Variants in OBP2A observed in about 807,000 individuals in gnomAD.
The protein encoded by OBP2A is odorant-binding protein 2a.
In OBP2A, 15 loss-of-function variants were observed where a neutral mutation model predicts 21.9. The observed-to-expected ratio is 0.69, with a 90% CI of 0.46 to 1.06. OBP2A has a LOEUF of 1.06. Ranked by LOEUF, OBP2A falls within the 50% of genes least tolerant of loss-of-function variation. The probability of loss-of-function intolerance (pLI) is 0.00; values close to 1 mark genes in which losing one functional copy is unlikely to be tolerated. For missense variants in OBP2A, 192 were observed against 220.1 expected (o/e 0.87, Z 0.81); for synonymous variants, 86 against 91.8 (o/e 0.94, Z 0.36).
rs1417015772 is a variant in OBP2A, at chr9:135,548,987, GCGA to G, written c.490+179_490+181del. 6.3e-5 allele frequency among the ~76,000 whole-genome samples: 9 copies of G among 142,742 alleles called. 4 individuals are homozygous for G. The highest frequency in any genetic ancestry group is 2.6e-4 in the African/African-American group (9 of 34,362). 93.6% of individuals were successfully genotyped at this position (142,742 alleles called of 152,430 possible). A position where few individuals can be genotyped will look rare whatever the true frequency, so the allele number is the denominator to read the frequency against. On this transcript the variant is annotated intron_variant, in intron 5 of 6. Coordinates refer to ENST00000371776, the MANE Select transcript of OBP2A (RefSeq NM_014582.3). Reference sequence around the variant, plus strand: ...CGTTGGAGGGTCTGCACTCTGGGCTGCGATGCGGTCTGGGGCTCCGCGCTCTGG... The same window carrying G: ...CGTTGGAGGGTCTGCACTCTGGGCTGTGCGGTCTGGGGCTCCGCGCTCTGG...
At chr9:135,548,356 A>G (rs2590499) in intron 4 of OBP2A, among the ~76,000 whole-genome samples, 98,551 of 151,954 alleles carry the variant, frequency 0.65, 32,636 homozygotes, top group East Asian at 0.84. Context: ...GGTGAGGGTT[A>G]TGACCCTGCA....
chr9:135,549,202 C>T (rs1832048838), intron 5 of OBP2A, 106 bp from the exon 6 acceptor site: 2 of 920,628 alleles, frequency 2.2e-6, no homozygotes, highest in South Asian at 2.9e-5. Context: ...GGGCTCCGCG[C>T]TCTGGGCTGC....
Position 135,547,272 on chromosome 9 carries a change from C to G in OBP2A, c.277+24C>G, listed in dbSNP as rs1365093725. ...CTGTGAGCCCCTCCCCGACCCCCCA[C>G]TCCCCATGCCCAACCCCGGATGCAC... On this transcript the variant is annotated intron_variant, in intron 3 of 6. Transcript: ENST00000371776. 5 of 1,611,750 alleles carry G rather than the reference C, an allele frequency of 3.1e-6. No individual in the cohort carries two copies. In the Admixed American group the frequency reaches 5.0e-5, roughly 16 times the overall value.
Position 135,547,231 on chromosome 9 carries a change from C to T in OBP2A, c.260C>T (p.Pro87Leu), listed in dbSNP as rs780814413. ...KKILMRKTEE[P>L]GKFSAYGGRK... is the part of the protein sequence containing the mutation. The stretch of plus-strand genomic sequence containing the variant: ...ATCCTGATGCGGAAGACGGAGGAGC[C>T]TGGCAAATTCAGCGCCTGTGAGCCC... Residue 87 changes from proline to leucine, a missense_variant, in exon 3 of 7, where the codon CCT (proline) becomes CTT (leucine). Pro to Leu is a moderately conservative substitution (Grantham distance 98, BLOSUM62 -3). Transcript: ENST00000371776. 51 of 1,613,454 alleles carry T rather than the reference C, an allele frequency of 3.2e-5. No individual in the cohort carries two copies. Among genetic ancestry groups the T allele is most frequent in the Non-Finnish European group, 4.3e-5 (51 of 1,180,022 alleles).
intron 5 of OBP2A, among the ~76,000 whole-genome samples, 185 bp downstream of exon 5, chr9:135,548,994 G>A (rs558505619): frequency 2.8e-5 from 4 of 141,468 alleles, no homozygotes; most frequent in African/African-American, 5.9e-5. Flanking sequence ...GCTGCGATGC[G>A]GTCTGGGGCT....
chr9:135,548,433 C>G (rs1288241320), intron 4 of OBP2A, among the ~76,000 whole-genome samples: 1 of 151,964 alleles, frequency 6.6e-6, no homozygotes, highest in Admixed American at 6.5e-5. Flanking sequence ...GCCACTGTCC[C>G]CTTTCCTGGG....
chr9:135,547,804 C>T (rs541323507), intron 3 of OBP2A, 67 bp from the exon 4 acceptor site: 112 of 1,215,588 alleles, frequency 9.2e-5, no homozygotes, highest in Admixed American at 6.9e-4. Flanking sequence ...AGTGTTTCTT[C>T]GTGTGGTCCT....
chr9:135,546,805 A>T lies in OBP2A; in HGVS notation c.100A>T (p.Met34Leu). The T allele has an allele frequency of 6.2e-7, 1 of 1,612,890 alleles. No homozygotes were observed. Residue 34 changes from methionine (M) to leucine (L), a missense_variant, in exon 2 of 7, where the codon ATG becomes TTG. By Grantham distance (15) the Met-to-Leu change is conservative. Coordinates refer to ENST00000371776, the MANE Select transcript of OBP2A (RefSeq NM_014582.3). ...DITGTWYVKAMVVDKDFPEDR... is the reference protein window; with the variant it reads ...DITGTWYVKALVVDKDFPEDR... ...CACAGGGACCTGGTACGTGAAGGCC[A>T]TGGTGGTCGATAAGGACTTTCCGGA...
In OBP2A at chr9:135,549,857, C is replaced by T. The variant is rs1832076089; in HGVS notation, c.*22C>T. 3.2e-6 allele frequency: 5 copies of T among 1,548,618 alleles called. No individual in the cohort carries two copies. Among genetic ancestry groups the T allele is most frequent in the Non-Finnish European group, 3.5e-6 (4 of 1,146,052 alleles). On this transcript the variant is annotated 3_prime_UTR_variant, in exon 7 of 7. Transcript: ENST00000371776. ...CACAGCAGCCCCCGGGTCTGCACCT[C>T]CAGAGCCCACCCTACCACCAGACAC...
Position 135,548,805 on chromosome 9 carries a change from G to A in OBP2A, c.486G>A (p.Gln162=). Residue 162 remains glutamine (Q), a synonymous_variant, in exon 5 of 7, where the codon CAG becomes CAA. Transcript: ENST00000371776. ...AGGAGGACATTTTCATGCCCCTGCAGACGGGTGAGGACGGCTGTGCCCAGT... is the reference window on the plus strand; with the variant it reads ...AGGAGGACATTTTCATGCCCCTGCAAACGGGTGAGGACGGCTGTGCCCAGT... ...LSEEDIFMPL[Q]TGSCVLEH is the part of the protein sequence containing the mutation. 1 of 1,613,750 alleles carries A rather than the reference G, an allele frequency of 6.2e-7. No individual in the cohort carries two copies. Among genetic ancestry groups the A allele is most frequent in the Non-Finnish European group, 8.5e-7 (1 of 1,179,624 alleles).
Position 135,549,198 on chromosome 9 carries a change from C to T in OBP2A, c.491-110C>T, listed in dbSNP as rs868665439. The T allele has an allele frequency of 1.2e-5, 10 of 803,056 alleles. 1 individual carries two copies. The highest frequency in any genetic ancestry group is 9.5e-5 in the African/African-American group (4 of 41,888). 49.7% of individuals were successfully genotyped at this position (803,056 alleles called of 1,614,324 possible). A position where few individuals can be genotyped will look rare whatever the true frequency, so the allele number is the denominator to read the frequency against. ...TGGGCTGCGATGGGGTCTGGGGCTC[C>T]GCGCTCTGGGCTGCGATGGGGTCTG... On this transcript the variant is annotated intron_variant, in intron 5 of 6. Coordinates refer to ENST00000371776, the MANE Select transcript of OBP2A (RefSeq NM_014582.3).
Position 135,547,940 on chromosome 9 carries a change from A to G in OBP2A, c.347A>G (p.Asp116Gly). 6.2e-7 allele frequency: 1 copy of G among 1,613,348 alleles called. No individual in the cohort carries two copies. Among genetic ancestry groups the G allele is most frequent in the Non-Finnish European group, 8.5e-7 (1 of 1,179,576 alleles). ...GACGACTACGTCTTTTACTGCAAAG[A>G]CCAGCGCCGTGGGGGCCTGCGCTAC... Reference protein sequence around the residue: ...GTDDYVFYCKDQRRGGLRYMG... With the variant: ...GTDDYVFYCKGQRRGGLRYMG... Residue 116 changes from aspartate (D) to glycine (G), a missense_variant, in exon 4 of 7, where the codon GAC becomes GGC. Physicochemically the swap from Asp to Gly is moderately conservative, Grantham distance 94. Coordinates refer to ENST00000371776, the MANE Select transcript of OBP2A (RefSeq NM_014582.3).
intron 1 of OBP2A, among the ~76,000 whole-genome samples, chr9:135,546,492 T>C (rs534233513): frequency 2.7e-4 from 41 of 151,570 alleles, no homozygotes; most frequent in African/African-American, 9.9e-4. Context: ...AGCCCGAAGG[T>C]CTCGCAGGGT....
Position 135,546,801 on chromosome 9 carries a change from G to A in OBP2A, c.96G>A (p.Lys32=), listed in dbSNP as rs201687819. The part of the protein sequence containing the change: ...EEDITGTWYV[K]AMVVDKDFPE... Reference sequence around the variant, plus strand: ...AGATCACAGGGACCTGGTACGTGAAGGCCATGGTGGTCGATAAGGACTTTC... The same window carrying A: ...AGATCACAGGGACCTGGTACGTGAAAGCCATGGTGGTCGATAAGGACTTTC... Residue 32 remains lysine (K), a synonymous_variant, in exon 2 of 7, where the codon AAG becomes AAA. Transcript: ENST00000371776. The A allele has an allele frequency of 2.5e-4, 411 of 1,612,718 alleles. No individual in the cohort carries two copies. The highest frequency in any genetic ancestry group is 3.3e-4 in the Non-Finnish European group (388 of 1,179,230).
At chr9:135,548,581 C>T in intron 4 of OBP2A, 127 bp from the exon 5 acceptor site, 1 of 1,397,640 alleles carries the variant, frequency 7.2e-7, no homozygotes. Context: ...CACCCCTGAG[C>T]TCTGATCCAC....
Position 135,547,884 on chromosome 9 carries a change from GCTCATATAC to G in OBP2A, c.294_302del (p.Ile99_Leu101del), listed in dbSNP as rs1286465300. On this transcript the variant is annotated inframe_deletion, in exon 4 of 7. Coordinates refer to ENST00000371776, the MANE Select transcript of OBP2A (RefSeq NM_014582.3). ...TGTCATCTACAGATGGGGGCAGGAA[GCTCATATAC>G]CTGCAGGAGCTGCCCGGGACGGACG... The G allele has an allele frequency of 2.5e-6, 4 of 1,610,714 alleles. No individual in the cohort carries two copies. In the East Asian group the frequency reaches 8.9e-5, roughly 36 times the overall value.
chr9:135,549,136 CGCTCTGGGCTGCGATGG>C, intron 5 of OBP2A, among the ~76,000 whole-genome samples, 155 bp from the exon 6 acceptor site: 1 of 18,218 alleles, frequency 5.5e-5, no homozygotes, highest in African/African-American at 2.7e-4. Flanking sequence ...TGGGGCTCCG[CGCTCTGGGCTGCGATGG>C]GGTCTGGGGC....
intron 2 of OBP2A, 86 bp from the exon 3 acceptor site, chr9:135,547,092 G>A: frequency 2.0e-6 from 3 of 1,499,098 alleles, no homozygotes; most frequent in Non-Finnish European, 2.8e-6. Context: ...TTTTCAGGTT[G>A]CCGGGTCAGG....
rs771408030 is a variant in OBP2A, at chr9:135,548,726, A to T, written c.407A>T (p.Asn136Ile). Residue 136 changes from asparagine to isoleucine, a missense_variant, in exon 5 of 7, where the codon AAC (asparagine) becomes ATC (isoleucine). Physicochemically the swap from Asn to Ile is moderately radical, Grantham distance 149. Coordinates refer to ENST00000371776, the MANE Select transcript of OBP2A (RefSeq NM_014582.3). ...GKLVGRNPNTNLEALEEFKKL... is the reference protein window; with the variant it reads ...GKLVGRNPNTILEALEEFKKL... ...CCTGCAGGTAGGAATCCTAATACCA[A>T]CCTGGAGGCCCTGGAAGAATTTAAG... is the stretch of plus-strand genomic sequence containing the variant. 5 of 1,613,646 alleles carry T rather than the reference A, an allele frequency of 3.1e-6. No individual in the cohort carries two copies. Among genetic ancestry groups the T allele is most frequent in the Non-Finnish European group, 4.2e-6 (5 of 1,179,898 alleles).
Sources: allele counts gnomAD v4.1 joint callset (sites outside exome capture counted in the v4.1 genomes callset), GRCh38; gene constraint gnomAD v4.1.1; transcripts MANE v1.5; gene names NCBI Gene and HGNC (gene_info 2026-07-23, HGNC 2026-07-21).